Variants in EGFR observed in about 807,000 individuals in gnomAD.
EGFR encodes epidermal growth factor receptor.
EGFR carries 58 observed loss-of-function variants against 143.0 expected under a neutral mutation model. The observed-to-expected ratio is 0.41, with a 90% CI of 0.33 to 0.50. The LOEUF (loss-of-function observed/expected upper bound fraction) is 0.50. EGFR is among the 20% of genes least tolerant of loss of function. The pLI is 0.39. For synonymous variants in EGFR, 613 were observed against 594.4 expected (o/e 1.03, Z -0.45); for missense variants, 1,307 against 1,579.0 (o/e 0.83, Z 2.92).
intron 1 of EGFR, among the ~76,000 whole-genome samples, chr7:55,132,193 A>G (rs2128920771): frequency 6.6e-6 from 1 of 152,336 alleles, no homozygotes; most frequent in South Asian, 2.1e-4. Context: ...TTTTAAAAGA[A>G]CATTTAAACC....
intron 14 of EGFR, 75 bp downstream of exon 14, chr7:55,163,898 C>A: frequency 6.6e-7 from 1 of 1,519,638 alleles, no homozygotes; most frequent in Non-Finnish European, 9.1e-7. Context: ...TGATGATGGC[C>A]CAGGGCATCC....
chr7:55,058,697 G>A (rs1192211697), intron 1 of EGFR, among the ~76,000 whole-genome samples: 1 of 152,156 alleles, frequency 6.6e-6, no homozygotes, highest in African/African-American at 2.4e-5. Context: ...AGGGTAGAGG[G>A]TTGAAGGGAG....
intron 22 of EGFR, among the ~76,000 whole-genome samples, chr7:55,196,269 C>T (rs1422634445): frequency 7.6e-6 from 1 of 132,212 alleles, no homozygotes; most frequent in Non-Finnish European, 1.5e-5. Context: ...CTTTAATGAT[C>T]AGTGATGTTA....
chr7:55,174,760 C>T lies in EGFR; in HGVS notation c.2223C>T (p.Pro741=), dbSNP rs372772241. 4.1e-5 allele frequency: 66 copies of T among 1,613,848 alleles called. No individual in the cohort carries two copies. Among genetic ancestry groups the T allele is most frequent in the Admixed American group, 2.8e-4 (17 of 60,002 alleles). ...WIPEGEKVKI[P]VAIKELREAT... is the part of the protein sequence containing the mutation. ...CAGAAGGTGAGAAAGTTAAAATTCC[C>T]GTCGCTATCAAGGAATTAAGAGAAG... Residue 741 remains proline (P), a synonymous_variant, in exon 19 of 28, where the codon CCC becomes CCT. Coordinates refer to ENST00000275493, the MANE Select transcript of EGFR (RefSeq NM_005228.5).
At position 55,159,656 on chromosome 7, in the gene EGFR, C is replaced by T. The variant is rs534217397; in HGVS notation, c.1299-483C>T. 6.6e-5 allele frequency among the ~76,000 whole-genome samples: 10 copies of T among 152,298 alleles called. No homozygotes were observed. In the South Asian group the frequency reaches 1.0e-3, roughly 16 times the overall value. On this transcript the variant is annotated intron_variant, in intron 11 of 27. Coordinates refer to ENST00000275493, the MANE Select transcript of EGFR (RefSeq NM_005228.5). Reference sequence around the variant, plus strand: ...TGATCTGCTTACGGGGTTGTGTCACCACCAGATCAAGCGTCCTGGAGAGGA... The same window carrying T: ...TGATCTGCTTACGGGGTTGTGTCACTACCAGATCAAGCGTCCTGGAGAGGA...
At chr7:55,088,711 C>A (rs1002251218) in intron 1 of EGFR, among the ~76,000 whole-genome samples, 1 of 152,178 alleles carries the variant, frequency 6.6e-6, no homozygotes, top group Admixed American at 6.5e-5. Context: ...CAACCCATGG[C>A]TGTAATGCTG....
chr7:55,185,289 C>T (rs1033702055), intron 20 of EGFR, among the ~76,000 whole-genome samples: 4 of 152,208 alleles, frequency 2.6e-5, no homozygotes, highest in Admixed American at 6.5e-5. Flanking sequence ...CTTGCGGAGA[C>T]ACCACTTGCT....
At chr7:55,020,815 T>C (rs114972508) in intron 1 of EGFR, among the ~76,000 whole-genome samples, 2,042 of 150,942 alleles carry the variant, frequency 0.014, 43 homozygotes, top group African/African-American at 0.046. Context: ...CCCAGCGCGG[T>C]CGTTGGGGGA....
intron 19 of EGFR, chr7:55,180,612 A>C (rs1223506913): frequency 6.5e-6 from 1 of 154,868 alleles, no homozygotes; most frequent in African/African-American, 2.4e-5. Context: ...TGTAGATTGA[A>C]TGCTCTGTCC....
chr7:55,036,462 A>C (rs932857329), intron 1 of EGFR, among the ~76,000 whole-genome samples: 1 of 152,162 alleles, frequency 6.6e-6, no homozygotes, highest in African/African-American at 2.4e-5. Context: ...TGAAAAATTC[A>C]GGGAGTGCAC....
chr7:55,092,714 CA>C, intron 1 of EGFR, among the ~76,000 whole-genome samples: 1 of 152,392 alleles, frequency 6.6e-6, no homozygotes, highest in East Asian at 1.9e-4. Flanking sequence ...AGCACCATGA[CA>C]GGCAGATGAA....
chr7:55,211,564 A>T lies in EGFR; in HGVS notation c.*5947A>T, dbSNP rs764486818. On this transcript the variant is annotated 3_prime_UTR_variant, in exon 28 of 28. Coordinates refer to ENST00000275493, the MANE Select transcript of EGFR (RefSeq NM_005228.5). ...CATTGAGTATTAAAAAATTAGATGT[A>T]TATTATTCATTGTTCTTTACTCCTG... 3 of 151,902 alleles carry T rather than the reference A, an allele frequency of 2.0e-5. No individual in the cohort carries two copies. The highest frequency in any genetic ancestry group is 4.4e-5 in the Non-Finnish European group (3 of 68,008). The allele number at this position is 151,902 out of a possible 1,614,324, so 9.4% of individuals were successfully genotyped here.
intron 22 of EGFR, among the ~76,000 whole-genome samples, chr7:55,196,516 C>A (rs924886606): frequency 4.6e-5 from 7 of 152,008 alleles, no homozygotes; most frequent in African/African-American, 1.4e-4. Context: ...AGAAGATCTT[C>A]AGTTTAGTTA....
intron 1 of EGFR, among the ~76,000 whole-genome samples, chr7:55,074,175 C>A (rs1238466816): frequency 6.6e-6 from 1 of 152,180 alleles, no homozygotes; most frequent in Admixed American, 6.5e-5. Flanking sequence ...TGTGAGAAAA[C>A]AAAGAGGCCA....
chr7:55,072,664 C>A (rs1789902847), intron 1 of EGFR, among the ~76,000 whole-genome samples: 1 of 152,200 alleles, frequency 6.6e-6, no homozygotes, highest in South Asian at 2.1e-4. Context: ...GTAGTCCCAT[C>A]ATTTTATTAC....
chr7:55,109,798 A>G, intron 1 of EGFR: 3 of 985,448 alleles, frequency 3.0e-6, no homozygotes, highest in African/African-American at 1.7e-5. Context: ...AAATGAAAAC[A>G]AAAATATAAA....
intron 19 of EGFR, 24 bp from the exon 20 acceptor site, chr7:55,181,269 T>C: frequency 6.2e-7 from 1 of 1,613,796 alleles, no homozygotes; most frequent in South Asian, 1.1e-5. Flanking sequence ...GAAGCCACAC[T>C]GACGTGCCTC....
At chr7:55,148,140 C>T (rs1458361594) in intron 4 of EGFR, among the ~76,000 whole-genome samples, 1 of 152,202 alleles carries the variant, frequency 6.6e-6, no homozygotes, top group African/African-American at 2.4e-5. Flanking sequence ...ACCAGATACC[C>T]ATCCTGACAC....
chr7:55,177,703 T>G (rs1326470844), intron 19 of EGFR, among the ~76,000 whole-genome samples: 1 of 152,182 alleles, frequency 6.6e-6, no homozygotes, highest in Admixed American at 6.5e-5. Flanking sequence ...AATAACAGGC[T>G]TTCAAGGTCA....
Sources: allele counts gnomAD v4.1 joint callset (sites outside exome capture counted in the v4.1 genomes callset), GRCh38; gene constraint gnomAD v4.1.1; transcripts MANE v1.5; gene names NCBI Gene and HGNC (gene_info 2026-07-23, HGNC 2026-07-21).